Variants in RGS6 observed in about 807,000 individuals in gnomAD.
The protein encoded by RGS6 is regulator of G protein signaling 6.
A neutral mutation model predicts 78.5 loss-of-function variants in RGS6; 30 were observed. That is an observed-to-expected ratio of 0.38 (90% CI 0.29 to 0.52). The LOEUF (loss-of-function observed/expected upper bound fraction) is 0.52, where lower values mean the gene tolerates loss of function less well. Ranked by LOEUF, RGS6 falls within the 20% of genes least tolerant of loss-of-function variation. The probability of loss-of-function intolerance (pLI) is 0.85; values close to 1 mark genes in which losing one functional copy is unlikely to be tolerated. For synonymous variants in RGS6, 206 were observed against 206.0 expected (o/e 1.00, Z 0.00); for missense variants, 495 against 609.7 (o/e 0.81, Z 1.98).
At chr14:72,150,796 T>A (rs765988163) in intron 2 of RGS6, among the ~76,000 whole-genome samples, 7 of 151,998 alleles carry the variant, frequency 4.6e-5, no homozygotes, top group African/African-American at 9.7e-5. Flanking sequence ...TCCAATCACC[T>A]CCTACCAGGC....
chr14:72,136,512 AAG>A (rs988513070), intron 2 of RGS6, among the ~76,000 whole-genome samples: 1 of 152,192 alleles, frequency 6.6e-6, no homozygotes, highest in African/African-American at 2.4e-5. Flanking sequence ...GGCAGCAGGC[AAG>A]AGAGAATGAG....
intron 13 of RGS6, among the ~76,000 whole-genome samples, chr14:72,506,421 T>G (rs1255727895): frequency 6.6e-6 from 1 of 152,226 alleles, no homozygotes; most frequent in African/African-American, 2.4e-5. Context: ...AGATGGATGT[T>G]GAAAGATATT....
rs1243839902 is a variant in RGS6, at chr14:72,566,037, A to ATAAG, written c.*3572_*3575dup. The ATAAG allele has an allele frequency of 6.6e-6, 1 of 152,182 alleles. No homozygotes were observed. The highest frequency in any genetic ancestry group is 1.5e-5 in the Non-Finnish European group (1 of 68,026). 9.4% of individuals were successfully genotyped at this position (152,182 alleles called of 1,614,324 possible). A position where few individuals can be genotyped will look rare whatever the true frequency, so the allele number is the denominator to read the frequency against. ...TTGAATATGTAGCAAAGACCATGGG[A>ATAAG]TAAGTTGAATAGTGGCCAGACGAAT... On this transcript the variant is annotated 3_prime_UTR_variant, in exon 18 of 18. Transcript: ENST00000553525.
the RGS6 span, among the ~76,000 whole-genome samples, chr14:71,893,172 G>C: frequency 6.6e-6 from 1 of 152,166 alleles, no homozygotes; most frequent in East Asian, 1.9e-4. Flanking sequence ...TCTAAACAAG[G>C]TCTGTACTCC....
rs1595049399 is a variant in RGS6, at chr14:72,268,178, A to C, written c.85-83917A>C. On this transcript the variant is annotated intron_variant, in intron 2 of 17. Transcript: ENST00000553525. ...ACATTGTAGGAAACACTCATTTGAA[A>C]TACCCCACTGTGCTTCCGGGGGAGC... is the stretch of plus-strand genomic sequence containing the variant. 7.2e-5 allele frequency among the ~76,000 whole-genome samples: 11 copies of C among 152,328 alleles called. No homozygotes were observed. The South Asian group carries it at 2.3e-3, about 32-fold the overall frequency.
intron 2 of RGS6, among the ~76,000 whole-genome samples, chr14:72,203,047 TG>T (rs2041923291): frequency 6.6e-6 from 1 of 152,032 alleles, no homozygotes; most frequent in African/African-American, 2.4e-5. Context: ...GCTAATTTTT[TG>T]TATTTTTTAG....
intron 2 of RGS6, among the ~76,000 whole-genome samples, chr14:72,016,225 A>G (rs1462297626): frequency 6.6e-6 from 1 of 152,192 alleles, no homozygotes; most frequent in Non-Finnish European, 1.5e-5. Context: ...TGTATATGTA[A>G]CATTGGAATC....
chr14:71,981,473 C>G (rs529545592), intron 2 of RGS6, among the ~76,000 whole-genome samples: 1 of 152,000 alleles, frequency 6.6e-6, no homozygotes, highest in Non-Finnish European at 1.5e-5. Context: ...AGTTTTCCTT[C>G]TAACAGACAG....
intron 3 of RGS6, among the ~76,000 whole-genome samples, chr14:72,399,386 T>A (rs2092030203): frequency 6.6e-6 from 1 of 152,114 alleles, no homozygotes. Context: ...ATTTGCTTGG[T>A]AGATCTTCCT....
At chr14:72,180,347 A>T (rs1347794042) in intron 2 of RGS6, among the ~76,000 whole-genome samples, 1 of 152,240 alleles carries the variant, frequency 6.6e-6, no homozygotes, top group Non-Finnish European at 1.5e-5. Flanking sequence ...GTTGGAATTG[A>T]ATATAAGAGA....
rs538727918 is a variant in RGS6 at position 72,208,912 on chromosome 14, T to G, written c.85-143183T>G. ...TTACTATACTTCCAAGTCAGTAAAA[T>G]AAGAATAATGAAATAAGAATATCAA... On this transcript the variant is annotated intron_variant, in intron 2 of 17. Transcript: ENST00000553525. 6.5e-4 allele frequency among the ~76,000 whole-genome samples: 98 copies of G among 151,432 alleles called. 1 individual carries two copies. The highest frequency in any genetic ancestry group is 3.4e-3 in the Middle Eastern group (1 of 294).
chr14:71,899,105 T>C, the RGS6 span, among the ~76,000 whole-genome samples: 11 of 152,194 alleles, frequency 7.2e-5, no homozygotes, highest in Admixed American at 7.2e-4. Flanking sequence ...AAAAAGCGCA[T>C]CTTCCCCTTC....
chr14:71,937,908 G>C (rs1326084794), intron 1 of RGS6, among the ~76,000 whole-genome samples: 1 of 152,224 alleles, frequency 6.6e-6, no homozygotes, highest in East Asian at 1.9e-4. Flanking sequence ...GGAGGGGTCA[G>C]TGTTGGTCTC....
the RGS6 span, among the ~76,000 whole-genome samples, chr14:71,916,936 A>AGAGTG: frequency 6.6e-6 from 1 of 152,216 alleles, no homozygotes; most frequent in Non-Finnish European, 1.5e-5. Flanking sequence ...TGAAAACCTT[A>AGAGTG]GAGTGTACAC....
At chr14:72,538,497 C>A (rs959794005) in intron 16 of RGS6, among the ~76,000 whole-genome samples, 5 of 152,226 alleles carry the variant, frequency 3.3e-5, no homozygotes, top group African/African-American at 9.6e-5. Flanking sequence ...TTTTCCAGGG[C>A]AGCTCAATGG....
At chr14:72,577,217 C>T in the RGS6 span, among the ~76,000 whole-genome samples, 1 of 152,192 alleles carries the variant, frequency 6.6e-6, no homozygotes. Context: ...ATTTCTCTTG[C>T]CCAGAATTCT....
At chr14:72,466,797 T>C (rs1398381240) in intron 7 of RGS6, among the ~76,000 whole-genome samples, 1 of 152,204 alleles carries the variant, frequency 6.6e-6, no homozygotes, top group Non-Finnish European at 1.5e-5. Flanking sequence ...AATCTATACA[T>C]GTGTTAAAAT....
the RGS6 span, among the ~76,000 whole-genome samples, chr14:72,597,593 G>A: frequency 5.3e-5 from 8 of 152,116 alleles, no homozygotes; most frequent in East Asian, 2.0e-4. Context: ...CCTGACAGAC[G>A]TTTTTAAATT....
chr14:72,127,195 T>C (rs1318478118), intron 2 of RGS6, among the ~76,000 whole-genome samples: 1 of 152,174 alleles, frequency 6.6e-6, no homozygotes, highest in East Asian at 1.9e-4. Context: ...TGGGGAAAGT[T>C]ATAAAAATAG....
Sources: allele counts gnomAD v4.1 joint callset (sites outside exome capture counted in the v4.1 genomes callset), GRCh38; gene constraint gnomAD v4.1.1; transcripts MANE v1.5; gene names NCBI Gene and HGNC (gene_info 2026-07-23, HGNC 2026-07-21).